RGS7: variants seen among roughly 807,000 people sequenced by gnomAD.
The protein encoded by RGS7 is regulator of G protein signaling 7, also known as regulator of G-protein signaling 7.
Under a neutral mutation model 81.1 loss-of-function variants are expected in RGS7, and 27 were observed. That is an observed-to-expected ratio of 0.33 (90% CI 0.25 to 0.46). RGS7 has a LOEUF of 0.46. RGS7 is among the 20% of genes least tolerant of loss of function. RGS7 has a pLI of 1.00. For synonymous variants in RGS7, 208 were observed against 207.7 expected (o/e 1.00, Z -0.01); for missense variants, 396 against 607.4 (o/e 0.65, Z 3.66).
intron 4 of RGS7, among the ~76,000 whole-genome samples, chr1:240,958,665 C>T (rs1280667476): frequency 6.6e-6 from 1 of 152,202 alleles, no homozygotes; most frequent in Non-Finnish European, 1.5e-5. Flanking sequence ...TTCTTCCAGT[C>T]AAACTGGATC....
At chr1:241,010,364 C>A (rs573106224) in intron 3 of RGS7, among the ~76,000 whole-genome samples, 2 of 152,126 alleles carry the variant, frequency 1.3e-5, no homozygotes, top group Non-Finnish European at 2.9e-5. Flanking sequence ...ACGTTTCCAA[C>A]ATAATACACA....
intron 3 of RGS7, among the ~76,000 whole-genome samples, chr1:241,011,937 A>G (rs1327253330): frequency 6.6e-6 from 1 of 152,076 alleles, no homozygotes; most frequent in Non-Finnish European, 1.5e-5. Context: ...TACTCTGTCT[A>G]TGGAGTAGCT....
chr1:241,350,118 A>T (rs1163955327), intron 2 of RGS7, among the ~76,000 whole-genome samples: 3 of 152,210 alleles, frequency 2.0e-5, no homozygotes, highest in African/African-American at 7.2e-5. Context: ...CTGGCAAGGA[A>T]AGAGCTCAAC....
intron 2 of RGS7, among the ~76,000 whole-genome samples, chr1:241,309,386 C>CAAAAAAA (rs71571833): frequency 3.5e-5 from 3 of 85,248 alleles, no homozygotes; most frequent in Non-Finnish European, 6.6e-5. Context: ...AACTCCAACT[C>CAAAAAAA]AAAAAAAAAA....
At position 241,210,180 on chromosome 1, in the gene RGS7, C is replaced by T. The variant is rs575146741; in HGVS notation, c.79-111418G>A. On this transcript the variant is annotated intron_variant, in intron 2 of 18. Coordinates refer to ENST00000440928, the MANE Select transcript of RGS7 (RefSeq NM_001364886.1). ...ATTTTTTCTTTTTGAGATGGAGTCT[C>T]GCCCTGTTGCCCAGGCTGGAGTGCA... Among the ~76,000 whole-genome samples the T allele has an allele frequency of 6.6e-5, 10 of 152,104 alleles. No individual in the cohort carries two copies. The South Asian group carries it at 1.7e-3, about 25-fold the overall frequency.
At chr1:240,866,621 A>T (rs752276503) in intron 9 of RGS7, among the ~76,000 whole-genome samples, 4 of 151,876 alleles carry the variant, frequency 2.6e-5, no homozygotes, top group Non-Finnish European at 4.4e-5. Flanking sequence ...CTAGTGAAGG[A>T]TGTGGTGGAG....
intron 4 of RGS7, among the ~76,000 whole-genome samples, chr1:240,980,380 CCT>C (rs1482750795): frequency 6.6e-6 from 1 of 152,150 alleles, no homozygotes; most frequent in Non-Finnish European, 1.5e-5. Context: ...GCCACAAAAC[CCT>C]CTTTCAGCAA....
chr1:240,842,853 G>A (rs1394823666), intron 9 of RGS7, among the ~76,000 whole-genome samples: 1 of 150,750 alleles, frequency 6.6e-6, no homozygotes, highest in African/African-American at 2.4e-5. Flanking sequence ...TTCTCATAAG[G>A]GGTAACTGCT....
intron 6 of RGS7, among the ~76,000 whole-genome samples, chr1:240,887,223 T>C (rs1214116218): frequency 3.7e-5 from 4 of 107,082 alleles, no homozygotes; most frequent in South Asian, 3.4e-4. Flanking sequence ...TTTGAGTATA[T>C]AGGTTTTTTT....
intron 3 of RGS7, among the ~76,000 whole-genome samples, chr1:241,042,117 G>A (rs2060653831): frequency 6.6e-6 from 1 of 152,148 alleles, no homozygotes; most frequent in African/African-American, 2.4e-5. Flanking sequence ...GGAAGAAGGG[G>A]ATAATGGCTG....
intron 2 of RGS7, among the ~76,000 whole-genome samples, chr1:241,344,252 T>G (rs968836353): frequency 1.3e-5 from 2 of 152,246 alleles, no homozygotes; most frequent in Non-Finnish European, 2.9e-5. Flanking sequence ...TGAAAAATTG[T>G]AAATGTTGCT....
At chr1:241,218,678 A>G (rs1158163227) in intron 2 of RGS7, among the ~76,000 whole-genome samples, 5 of 152,042 alleles carry the variant, frequency 3.3e-5, no homozygotes, top group African/African-American at 4.8e-5. Flanking sequence ...GGAGTCTCAC[A>G]CTGTCACCCA....
rs186345396 is a variant in RGS7, at chr1:240,851,062, T to C, written c.609+17525A>G. ...AGTTATCCAGATCTAGCTAAGATAG[T>C]TGATTTTCGATGTAGACAAAAGAGC... On this transcript the variant is annotated intron_variant, in intron 9 of 18. Transcript: ENST00000440928. Among the ~76,000 whole-genome samples, 5 of 152,278 alleles carry C rather than the reference T, an allele frequency of 3.3e-5. No homozygotes were observed. In the East Asian group the frequency reaches 7.7e-4, roughly 24 times the overall value.
chr1:241,157,896 GCAAGCTC>G (rs1267826132), intron 2 of RGS7, among the ~76,000 whole-genome samples: 1 of 17,732 alleles, frequency 5.6e-5, no homozygotes, highest in Non-Finnish European at 1.1e-4. Flanking sequence ...TGGGCTCACT[GCAAGCTC>G]CACCTCCCGG....
intron 6 of RGS7, among the ~76,000 whole-genome samples, chr1:240,894,303 CTCAG>C (rs1169102619): frequency 6.6e-6 from 1 of 152,140 alleles, no homozygotes; most frequent in African/African-American, 2.4e-5. Context: ...GTAACTAGCG[CTCAG>C]TGTCTTTCAA....
intron 2 of RGS7, among the ~76,000 whole-genome samples, chr1:241,100,104 G>A (rs951406992): frequency 2.0e-5 from 3 of 152,060 alleles, no homozygotes; most frequent in Non-Finnish European, 2.9e-5. Flanking sequence ...GGCCGGGCGC[G>A]GTGGCTCACA....
chr1:240,823,156 TC>T, intron 10 of RGS7: 2 of 1,163,342 alleles, frequency 1.7e-6, no homozygotes, highest in Non-Finnish European at 2.6e-6. Flanking sequence ...ATTGGGGATT[TC>T]CCCATAGAAG....
At chr1:241,323,857 T>G (rs114249922) in intron 2 of RGS7, among the ~76,000 whole-genome samples, 2,695 of 152,292 alleles carry the variant, frequency 0.018, 85 homozygotes, top group African/African-American at 0.062. Flanking sequence ...TAATATAATT[T>G]AACCTACTGA....
intron 2 of RGS7, among the ~76,000 whole-genome samples, chr1:241,261,541 A>G (rs1015532835): frequency 1.2e-4 from 18 of 151,430 alleles, no homozygotes; most frequent in African/African-American, 4.1e-4. Flanking sequence ...AGGCAGGGGA[A>G]TCACTTGAAC....
Sources: allele counts gnomAD v4.1 joint callset (sites outside exome capture counted in the v4.1 genomes callset), GRCh38; gene constraint gnomAD v4.1.1; transcripts MANE v1.5; gene names NCBI Gene and HGNC (gene_info 2026-07-23, HGNC 2026-07-21).